Variants in BIRC3 observed in about 807,000 individuals in gnomAD.
BIRC3 encodes the protein baculoviral IAP repeat-containing protein 3.
BIRC3 carries 26 observed loss-of-function variants against 59.0 expected under a neutral mutation model. That is an observed-to-expected ratio of 0.44 (90% CI 0.32 to 0.61). The LOEUF is 0.61. BIRC3 is among the 20% of genes least tolerant of loss of function. BIRC3 has a pLI of 0.04. For missense variants in BIRC3, 641 were observed against 711.5 expected (o/e 0.90, Z 1.13); for synonymous variants, 243 against 249.2 (o/e 0.98, Z 0.24).
At chr11:102,333,847 T>C (rs1416393196) in intron 6 of BIRC3, among the ~76,000 whole-genome samples, 2 of 152,138 alleles carry the variant, frequency 1.3e-5, no homozygotes, top group East Asian at 3.9e-4. Flanking sequence ...ATGCCTGTAA[T>C]CCTAACACCT....
intron 6 of BIRC3, among the ~76,000 whole-genome samples, chr11:102,333,957 G>T (rs982871156): frequency 9.9e-5 from 15 of 152,116 alleles, no homozygotes; most frequent in African/African-American, 2.9e-4. Flanking sequence ...TTAAAACAAA[G>T]TATTTGTGAT....
chr11:102,336,546 A>G (rs1343726863), intron 7 of BIRC3: 1 of 590,580 alleles, frequency 1.7e-6, no homozygotes, highest in African/African-American at 1.9e-5. Flanking sequence ...ATGAGCTGTG[A>G]TTGTGCCACT....
At position 102,328,196 on chromosome 11, in the gene BIRC3, G is replaced by A. The variant is rs1049165127; in HGVS notation, c.1032+66G>A. 8 of 1,210,900 alleles carry A rather than the reference G, an allele frequency of 6.6e-6. No homozygotes were observed. In the South Asian group the frequency reaches 1.0e-4, roughly 16 times the overall value. The allele number at this position is 1,210,900 out of a possible 1,614,324, so 75.0% of individuals were successfully genotyped here. On this transcript the variant is annotated intron_variant, in intron 4 of 8. Coordinates refer to ENST00000263464, the MANE Select transcript of BIRC3 (RefSeq NM_001165.5). ...GAAATTGCTTTCTGATAATTACAGA[G>A]AGTGCTATTTGAGTGAAAAGACAAG...
intron 1 of BIRC3, among the ~76,000 whole-genome samples, chr11:102,318,468 G>A (rs187773763): frequency 1.1e-4 from 16 of 152,308 alleles, no homozygotes; most frequent in African/African-American, 2.4e-4. Flanking sequence ...GGAAGTCTTC[G>A]TGTCTACCCC....
chr11:102,337,086 G>C lies in BIRC3; in HGVS notation c.1799G>C (p.Arg600Pro), dbSNP rs762729326. The C allele has an allele frequency of 6.6e-7, 1 of 1,504,396 alleles. No individual in the cohort carries two copies. The highest frequency in any genetic ancestry group is 8.8e-7 in the Non-Finnish European group (1 of 1,134,930). The allele number at this position is 1,504,396 out of a possible 1,614,324, so 93.2% of individuals were successfully genotyped here. Reference sequence around the variant, plus strand: ...AGGAGTACAATCAAGGGTACAGTTCGTACATTTCTTTCATGAAGAAGAACC... The same window carrying C: ...AGGAGTACAATCAAGGGTACAGTTCCTACATTTCTTTCATGAAGAAGAACC... ...ICRSTIKGTV[R>P]TFLS The change falls in exon 9 of 9, where the codon CGT (arginine) becomes CCT (proline). Residue 600 changes from arginine (R) to proline (P), a missense_variant. Arg to Pro is a moderately radical substitution (Grantham distance 103). Transcript: ENST00000263464.
At chr11:102,333,679 G>C (rs1446060398) in intron 6 of BIRC3, among the ~76,000 whole-genome samples, 1 of 152,176 alleles carries the variant, frequency 6.6e-6, no homozygotes, top group East Asian at 1.9e-4. Flanking sequence ...CTGGGAGGCA[G>C]AGGTTGCAGT....
rs1047561769 is a variant in BIRC3 at position 102,337,782 on chromosome 11, A to T, written c.*680A>T. The T allele has an allele frequency of 4.2e-6, 1 of 236,452 alleles. No individual in the cohort carries two copies. The highest frequency in any genetic ancestry group is 2.2e-5 in the African/African-American group (1 of 45,514). 14.6% of individuals were successfully genotyped at this position (236,452 alleles called of 1,614,324 possible). A position where few individuals can be genotyped will look rare whatever the true frequency, so the allele number is the denominator to read the frequency against. ...GACATTGGATAGTTTAGTCACTCCC[A>T]GACTCTTTCCATACCTTCTTAAAGC... is the stretch of plus-strand genomic sequence containing the variant. On this transcript the variant is annotated 3_prime_UTR_variant, in exon 9 of 9. Transcript: ENST00000263464.
Position 102,324,685 on chromosome 11 carries a change from G to C in BIRC3, c.176G>C (p.Gly59Ala), listed in dbSNP as rs1470578400. The C allele has an allele frequency of 6.2e-7, 1 of 1,614,030 alleles. No homozygotes were observed. The highest frequency in any genetic ancestry group is 8.5e-7 in the Non-Finnish European group (1 of 1,180,022). The change falls in exon 2 of 9, where the codon GGT (glycine) becomes GCT (alanine). Residue 59 changes from glycine (G) to alanine (A), a missense_variant. Around this residue, in one of 4 missense-constraint regions of BIRC3, gnomAD observed 329 missense variants for 365.6 expected, o/e 0.90. Coordinates refer to ENST00000263464, the MANE Select transcript of BIRC3 (RefSeq NM_001165.5). ...GCTCGTGCTGGTTTCTATTACACTG[G>C]TGTGAATGACAAGGTCAAATGCTTC... Reference protein sequence around the residue: ...SLARAGFYYTGVNDKVKCFCC... With the variant: ...SLARAGFYYTAVNDKVKCFCC...
At chr11:102,329,226 C>T (rs1951114571) in intron 5 of BIRC3, among the ~76,000 whole-genome samples, 1 of 152,150 alleles carries the variant, frequency 6.6e-6, no homozygotes, top group Admixed American at 6.5e-5. Context: ...TAACAAACTA[C>T]ATACATCCAG....
chr11:102,331,887 C>T (rs951660220), intron 6 of BIRC3, among the ~76,000 whole-genome samples: 27 of 152,228 alleles, frequency 1.8e-4, no homozygotes, highest in Admixed American at 1.4e-3. Context: ...GTGATCCGCC[C>T]GCCTCGGCCT....
intron 3 of BIRC3, chr11:102,326,688 T>C: frequency 4.4e-6 from 2 of 454,374 alleles, no homozygotes; most frequent in Non-Finnish European, 8.8e-6. Context: ...ATGTGGCATC[T>C]TAACTTATTT....
In BIRC3 at chr11:102,323,350, G is replaced by A. The variant is rs1951049944; in HGVS notation, c.-1160G>A. On this transcript the variant is annotated 5_prime_UTR_variant, in exon 2 of 9. Transcript: ENST00000263464. ...ATGAAGTTCAGTTTTGTTATTGGTA[G>A]TTTGGGCAGAGTCTCTTTTTGCAGC... 5.2e-6 allele frequency: 1 copy of A among 193,464 alleles called. No individual in the cohort carries two copies. The highest frequency in any genetic ancestry group is 6.1e-5 in the Admixed American group (1 of 16,336). 12.0% of individuals were successfully genotyped at this position (193,464 alleles called of 1,614,324 possible).
chr11:102,319,146 C>A (rs1026283491), intron 1 of BIRC3, among the ~76,000 whole-genome samples: 2 of 150,576 alleles, frequency 1.3e-5, no homozygotes, highest in Non-Finnish European at 3.0e-5. Context: ...CGGGTTCAAG[C>A]GATTCTCCTG....
intron 1 of BIRC3, among the ~76,000 whole-genome samples, chr11:102,319,709 G>A (rs1483559182): frequency 6.6e-6 from 1 of 151,790 alleles, no homozygotes; most frequent in Non-Finnish European, 1.5e-5. Context: ...GAGGTGCATA[G>A]GGCATGGGCT....
rs748323224 is a variant in BIRC3 at position 102,336,919 on chromosome 11, G to A, written c.1632G>A (p.Val544=). 1.3e-6 allele frequency: 2 copies of A among 1,599,564 alleles called. No homozygotes were observed. The highest frequency in any genetic ancestry group is 4.5e-5 in the East Asian group (2 of 44,660). ...CTTTCCTCTTTCTAGATCTACCAGT[G>A]GAAGAACAATTGCGGAGACTACAAG... ...IPTEDVSDLP[V]EEQLRRLQEE... The change falls in exon 9 of 9, where the codon GTG becomes GTA. Residue 544 remains valine, a synonymous_variant. Transcript: ENST00000263464.
chr11:102,318,343 T>A (rs1453639369), intron 1 of BIRC3, among the ~76,000 whole-genome samples: 1 of 152,208 alleles, frequency 6.6e-6, no homozygotes, highest in Non-Finnish European at 1.5e-5. Context: ...GCACCCCCGA[T>A]GTCTGACTCC....
intron 3 of BIRC3, among the ~76,000 whole-genome samples, chr11:102,326,542 C>CT (rs1238386931): frequency 6.6e-6 from 1 of 152,140 alleles, no homozygotes; most frequent in Non-Finnish European, 1.5e-5. Flanking sequence ...ATCATGTGGC[C>CT]TACAATTACA....
chr11:102,329,812 G>A (rs757919407), intron 5 of BIRC3, among the ~76,000 whole-genome samples: 1 of 152,124 alleles, frequency 6.6e-6, no homozygotes, highest in Non-Finnish European at 1.5e-5. Flanking sequence ...GGGAGGGATA[G>A]CATTAGGAGA....
intron 1 of BIRC3, among the ~76,000 whole-genome samples, chr11:102,317,820 G>A (rs180718216): frequency 6.6e-6 from 1 of 152,318 alleles, no homozygotes; most frequent in Non-Finnish European, 1.5e-5. Flanking sequence ...TTTGGAGTGA[G>A]CCAGTGGAAT....
Sources: gnomAD v4.1 joint callset for allele counts (sites outside exome capture counted in the v4.1 genomes callset) on GRCh38, gnomAD v4.1.1 for gene constraint, gnomAD v4.1.1 regional missense constraint, MANE v1.5 for transcripts, NCBI Gene and HGNC (gene_info 2026-07-23, HGNC 2026-07-21) for gene names.